WDR49: variants seen among roughly 807,000 people sequenced by gnomAD.
WDR49 encodes WD repeat domain 49, also known as cilia- and flagella-associated protein 337.
WDR49 carries 107 observed loss-of-function variants against 119.5 expected under a neutral mutation model. That is an observed-to-expected ratio of 0.90 (90% CI 0.77 to 1.05). The LOEUF (loss-of-function observed/expected upper bound fraction) is 1.05, where lower values mean the gene tolerates loss of function less well. Among genes scored for constraint, WDR49 ranks in the 50% least tolerant of loss-of-function variants. The pLI is 0.00. For synonymous variants in WDR49, 425 were observed against 418.8 expected (o/e 1.01, Z -0.18); for missense variants, 1,240 against 1,220.5 (o/e 1.02, Z -0.24).
intron 5 of WDR49, among the ~76,000 whole-genome samples, chr3:167,604,677 C>A (rs1203484180): frequency 6.6e-6 from 1 of 152,124 alleles, no homozygotes; most frequent in Non-Finnish European, 1.5e-5. Context: ...TACATTCTGA[C>A]TTTTCCCCCA....
chr3:167,583,052 A>G (rs986341022), intron 7 of WDR49, among the ~76,000 whole-genome samples: 3 of 152,100 alleles, frequency 2.0e-5, no homozygotes, highest in Non-Finnish European at 4.4e-5. Flanking sequence ...ACTAATGCCA[A>G]CATTTCATTT....
intron 18 of WDR49, among the ~76,000 whole-genome samples, chr3:167,490,932 G>GT (rs34400583): frequency 0.18 from 26,967 of 151,390 alleles, 3,611 homozygotes; most frequent in African/African-American, 0.38. Flanking sequence ...AATCTTATGT[G>GT]TTTTTTTTCA....
At chr3:167,631,320 T>A (rs1717361354) in intron 2 of WDR49, among the ~76,000 whole-genome samples, 1 of 151,816 alleles carries the variant, frequency 6.6e-6, no homozygotes, top group Non-Finnish European at 1.5e-5. Flanking sequence ...ATAAATAATT[T>A]AAAAAAGAGA....
intron 2 of WDR49, among the ~76,000 whole-genome samples, chr3:167,645,120 G>C (rs1229175195): frequency 1.3e-5 from 2 of 151,874 alleles, no homozygotes; most frequent in African/African-American, 4.8e-5. Flanking sequence ...GACTGAGAAT[G>C]GACCATGCTA....
intron 18 of WDR49, among the ~76,000 whole-genome samples, chr3:167,492,782 G>A (rs1385483798): frequency 1.3e-5 from 2 of 152,016 alleles, no homozygotes; most frequent in South Asian, 2.1e-4. Context: ...TACATTTATC[G>A]TTTCCATGGC....
chr3:167,570,851 C>CA (rs1275842366), intron 8 of WDR49, among the ~76,000 whole-genome samples: 1 of 152,056 alleles, frequency 6.6e-6, no homozygotes, highest in African/African-American at 2.4e-5. Flanking sequence ...GCCTGACCAA[C>CA]ATGGTGAAAC....
chr3:167,597,818 T>G (rs955454317), intron 7 of WDR49, among the ~76,000 whole-genome samples: 78 of 152,314 alleles, frequency 5.1e-4, no homozygotes, highest in Non-Finnish European at 1.9e-4. Flanking sequence ...CCTTTTGGAA[T>G]GGTAACATTT....
chr3:167,501,693 C>T (rs867233798), intron 17 of WDR49, among the ~76,000 whole-genome samples: 1 of 152,180 alleles, frequency 6.6e-6, no homozygotes, highest in Middle Eastern at 3.4e-3. Flanking sequence ...AGGAAGGATT[C>T]TTATCTGTTT....
intron 18 of WDR49, among the ~76,000 whole-genome samples, chr3:167,493,250 G>T (rs1014079332): frequency 1.3e-5 from 2 of 152,104 alleles, no homozygotes; most frequent in African/African-American, 4.8e-5. Flanking sequence ...TGCAGGTAAG[G>T]CTTCTCCAGA....
chr3:167,587,869 A>G (rs922122891), intron 7 of WDR49, among the ~76,000 whole-genome samples: 1 of 152,122 alleles, frequency 6.6e-6, no homozygotes, highest in African/African-American at 2.4e-5. Flanking sequence ...AGATATTCTG[A>G]TACAGATATA....
intron 7 of WDR49, among the ~76,000 whole-genome samples, chr3:167,587,096 ATATAT>A (rs2108293128): frequency 6.6e-6 from 1 of 152,278 alleles, no homozygotes; most frequent in South Asian, 2.1e-4. Context: ...ATACTGTTTC[ATATAT>A]TATATTTAAC....
chr3:167,629,800 C>A (rs758670683), intron 2 of WDR49, among the ~76,000 whole-genome samples: 1 of 151,922 alleles, frequency 6.6e-6, no homozygotes, highest in African/African-American at 2.4e-5. Flanking sequence ...AAAGTAACTG[C>A]GGATGTGGTA....
intron 8 of WDR49, among the ~76,000 whole-genome samples, chr3:167,560,568 G>C (rs1196877583): frequency 6.6e-6 from 1 of 152,110 alleles, no homozygotes. Flanking sequence ...TACTAGTCAT[G>C]GTGCTCTGAC....
intron 5 of WDR49, among the ~76,000 whole-genome samples, chr3:167,604,969 C>G (rs1044621909): frequency 5.9e-5 from 9 of 151,900 alleles, no homozygotes; most frequent in African/African-American, 2.2e-4. Context: ...GAGTTAAAAA[C>G]AGTATCTAGT....
At chr3:167,573,578 A>G (rs944448987) in intron 8 of WDR49, among the ~76,000 whole-genome samples, 1 of 152,196 alleles carries the variant, frequency 6.6e-6, no homozygotes, top group Non-Finnish European at 1.5e-5. Context: ...TGCAGCCTCT[A>G]GAAAACTCCA....
chr3:167,642,932 G>C (rs540718011), intron 2 of WDR49, among the ~76,000 whole-genome samples: 18 of 152,126 alleles, frequency 1.2e-4, no homozygotes, highest in Non-Finnish European at 2.5e-4. Context: ...CCATAAATCT[G>C]TGGTCAGACT....
chr3:167,576,965 A>G (rs1010271472), intron 7 of WDR49, among the ~76,000 whole-genome samples: 33 of 152,106 alleles, frequency 2.2e-4, no homozygotes, highest in Admixed American at 2.6e-4. Context: ...GTATGTGTAT[A>G]TATGTATATA....
At chr3:167,509,766 C>G (rs1298879834) in intron 16 of WDR49, among the ~76,000 whole-genome samples, 1 of 152,012 alleles carries the variant, frequency 6.6e-6, no homozygotes, top group African/African-American at 2.4e-5. Flanking sequence ...GAACTGTTTT[C>G]CCAGTTAAAA....
chr3:167,568,894 CAG>C (rs1180624492), intron 8 of WDR49, among the ~76,000 whole-genome samples: 1 of 151,952 alleles, frequency 6.6e-6, no homozygotes, highest in Admixed American at 6.6e-5. Context: ...ACAACAGCAA[CAG>C]GGGGTGGCTA....
Sources: allele counts gnomAD v4.1 joint callset (sites outside exome capture counted in the v4.1 genomes callset), GRCh38; gene constraint gnomAD v4.1.1; transcripts MANE v1.5; gene names NCBI Gene and HGNC (gene_info 2026-07-23, HGNC 2026-07-21).